NXPH1: variants seen among roughly 807,000 people sequenced by gnomAD.
NXPH1 encodes the protein neurexophilin-1.
Under a neutral mutation model 23.7 loss-of-function variants are expected in NXPH1, and 5 were observed. That is an observed-to-expected ratio of 0.21 (90% confidence interval 0.11 to 0.44). The LOEUF (loss-of-function observed/expected upper bound fraction) is 0.44, where lower values mean the gene tolerates loss of function less well. Ranked by LOEUF, NXPH1 falls within the 20% of genes least tolerant of loss-of-function variation. NXPH1 has a pLI of 0.99. For synonymous variants in NXPH1, 144 were observed against 122.2 expected (o/e 1.18, Z -1.18); for missense variants, 324 against 321.6 (o/e 1.01, Z -0.06).
At position 8,652,492 on chromosome 7, in the gene NXPH1, T is replaced by A. The variant is rs908952263; in HGVS notation, c.55-98516T>A. Among the ~76,000 whole-genome samples, 26 of 152,278 alleles carry A rather than the reference T, an allele frequency of 1.7e-4. 1 individual carries two copies. The East Asian group carries it at 4.1e-3, about 24-fold the overall frequency. Reference sequence around the variant, plus strand: ...ATATTTTGTATATAACAAAATTCTATTACATGATATAACAAATTTTAACTA... The same window carrying A: ...ATATTTTGTATATAACAAAATTCTAATACATGATATAACAAATTTTAACTA... On this transcript the variant is annotated intron_variant, in intron 2 of 2. Coordinates refer to ENST00000405863, the MANE Select transcript of NXPH1 (RefSeq NM_152745.3).
chr7:8,456,543 T>A (rs1013953451), intron 2 of NXPH1, among the ~76,000 whole-genome samples: 1 of 152,180 alleles, frequency 6.6e-6, no homozygotes, highest in African/African-American at 2.4e-5. Context: ...TGGAATGACA[T>A]CTGCTTCTCT....
At chr7:8,603,373 C>T (rs1819407488) in intron 2 of NXPH1, among the ~76,000 whole-genome samples, 1 of 152,100 alleles carries the variant, frequency 6.6e-6, no homozygotes. Flanking sequence ...ACCTCAATAG[C>T]CACTATCACC....
chr7:8,529,043 T>C (rs571632160), intron 2 of NXPH1, among the ~76,000 whole-genome samples: 1 of 152,334 alleles, frequency 6.6e-6, no homozygotes, highest in South Asian at 2.1e-4. Context: ...CTCCTGGACC[T>C]GTTTCTTGTA....
intron 2 of NXPH1, among the ~76,000 whole-genome samples, chr7:8,662,686 ATAAG>A (rs1341679716): frequency 6.6e-6 from 1 of 152,052 alleles, no homozygotes; most frequent in African/African-American, 2.4e-5. Flanking sequence ...TAGCAAGTAA[ATAAG>A]TATCAGTCAG....
chr7:8,734,373 A>T (rs1327750283), intron 2 of NXPH1, among the ~76,000 whole-genome samples: 2 of 152,130 alleles, frequency 1.3e-5, no homozygotes, highest in Non-Finnish European at 2.9e-5. Flanking sequence ...TTTTGGTTCT[A>T]TATGAAATTT....
chr7:8,577,259 T>A (rs577582204), intron 2 of NXPH1, among the ~76,000 whole-genome samples: 1 of 152,280 alleles, frequency 6.6e-6, no homozygotes, highest in Admixed American at 6.5e-5. Context: ...AGTGATAAAG[T>A]TTATTTATCT....
At chr7:8,532,481 G>A (rs1439092405) in intron 2 of NXPH1, among the ~76,000 whole-genome samples, 2 of 121,934 alleles carry the variant, frequency 1.6e-5, no homozygotes, top group South Asian at 3.1e-4. Flanking sequence ...GGGGGGGGGA[G>A]GGGGCTGCTT....
chr7:8,558,848 G>C (rs6463821), intron 2 of NXPH1, among the ~76,000 whole-genome samples: 19,793 of 151,674 alleles, frequency 0.13, 2,028 homozygotes, highest in African/African-American at 0.28. Context: ...GCCGTCTTTT[G>C]TGTTGATTAT....
At chr7:8,440,782 G>C (rs540956008) in intron 2 of NXPH1, among the ~76,000 whole-genome samples, 8 of 152,000 alleles carry the variant, frequency 5.3e-5, no homozygotes, top group African/African-American at 1.7e-4. Context: ...CTAGGGGGGC[G>C]ATGGGGAAGA....
chr7:8,481,319 C>T (rs114594311), intron 2 of NXPH1, among the ~76,000 whole-genome samples: 3,048 of 152,156 alleles, frequency 0.02, 111 homozygotes, highest in African/African-American at 0.07. Context: ...GAGATACCTA[C>T]GCAGAGATGT....
At chr7:8,647,949 AT>A in intron 2 of NXPH1, among the ~76,000 whole-genome samples, 1 of 152,202 alleles carries the variant, frequency 6.6e-6, no homozygotes, top group South Asian at 2.1e-4. Context: ...TTCTATCTTA[AT>A]TTTTAGTCAA....
chr7:8,505,766 C>A (rs959038380), intron 2 of NXPH1, among the ~76,000 whole-genome samples: 1 of 152,084 alleles, frequency 6.6e-6, no homozygotes, highest in African/African-American at 2.4e-5. Flanking sequence ...ACATGATGTT[C>A]TGTTCTCAAT....
At chr7:8,440,244 A>G (rs544784558) in intron 2 of NXPH1, among the ~76,000 whole-genome samples, 1 of 152,228 alleles carries the variant, frequency 6.6e-6, no homozygotes, top group Non-Finnish European at 1.5e-5. Flanking sequence ...TCAACTTTCC[A>G]TTGACCAAGA....
At chr7:8,528,239 C>T (rs1817895938) in intron 2 of NXPH1, among the ~76,000 whole-genome samples, 4 of 152,218 alleles carry the variant, frequency 2.6e-5, no homozygotes, top group South Asian at 2.1e-4. Flanking sequence ...GTGGCAGTGC[C>T]CACCAGCAGT....
At position 8,663,111 on chromosome 7, in the gene NXPH1, C is replaced by T. The variant is rs569012583; in HGVS notation, c.55-87897C>T. The stretch of plus-strand genomic sequence containing the variant: ...AAGTCAGAGGGTATCAGGATGTGGT[C>T]CCACAGAAAGCTCTGGGCTTAAAAT... On this transcript the variant is annotated intron_variant, in intron 2 of 2. Coordinates refer to ENST00000405863, the MANE Select transcript of NXPH1 (RefSeq NM_152745.3). Among the ~76,000 whole-genome samples the T allele has an allele frequency of 5.3e-4, 81 of 152,064 alleles. 2 individuals carry two copies. In the South Asian group the frequency reaches 0.017, roughly 32 times the overall value.
At chr7:8,698,720 A>G (rs370369977) in intron 2 of NXPH1, among the ~76,000 whole-genome samples, 1 of 152,160 alleles carries the variant, frequency 6.6e-6, no homozygotes, top group Admixed American at 6.5e-5. Flanking sequence ...CCACAGATCT[A>G]TATAATTATG....
At chr7:8,539,062 C>T (rs1263077347) in intron 2 of NXPH1, among the ~76,000 whole-genome samples, 2 of 151,792 alleles carry the variant, frequency 1.3e-5, no homozygotes, top group African/African-American at 2.4e-5. Flanking sequence ...TTTGGCTCAA[C>T]AGCGAACAAT....
At chr7:8,722,879 C>T (rs898569590) in intron 2 of NXPH1, among the ~76,000 whole-genome samples, 2 of 152,146 alleles carry the variant, frequency 1.3e-5, no homozygotes, top group African/African-American at 4.8e-5. Flanking sequence ...TCAATGGCCC[C>T]TTCCAGCCTC....
intron 2 of NXPH1, among the ~76,000 whole-genome samples, chr7:8,723,709 T>C (rs1429459539): frequency 6.6e-6 from 1 of 152,192 alleles, no homozygotes; most frequent in East Asian, 1.9e-4. Context: ...AGGATTTGTA[T>C]AGGGTGCTAT....
Sources: allele counts gnomAD v4.1 joint callset (sites outside exome capture counted in the v4.1 genomes callset), GRCh38; gene constraint gnomAD v4.1.1; transcripts MANE v1.5; gene names NCBI Gene and HGNC (gene_info 2026-07-23, HGNC 2026-07-21).